The following NBAS variants were observed in gnomAD, a reference collection of about 807,000 sequenced individuals.
NBAS encodes the protein NBAS subunit of NRZ tethering complex, also known as NAG/BC035112 fusion.
Under a neutral mutation model 302.5 loss-of-function variants are expected in NBAS, and 219 were observed. The ratio of observed to expected loss-of-function variants is 0.72; its 90% CI spans 0.65 to 0.81. The LOEUF (loss-of-function observed/expected upper bound fraction) is 0.81, where lower values mean the gene tolerates loss of function less well. Among genes scored for constraint, NBAS ranks in the 30% least tolerant of loss-of-function variants. The pLI is 0.00. For synonymous variants in NBAS, 1,118 were observed against 1,021.6 expected (o/e 1.09, Z -1.80); for missense variants, 2,932 against 2,841.6 (o/e 1.03, Z -0.72).
At chr2:15,437,416 G>A (rs746490670) in intron 21 of NBAS, among the ~76,000 whole-genome samples, 66 of 152,168 alleles carry the variant, frequency 4.3e-4, no homozygotes, top group Non-Finnish European at 8.5e-4. Context: ...ACAAGTCTAT[G>A]TGAGCCTTTT....
the NBAS span, among the ~76,000 whole-genome samples, chr2:15,003,691 T>A: frequency 1.3e-5 from 2 of 152,192 alleles, no homozygotes; most frequent in Non-Finnish European, 2.9e-5. Flanking sequence ...AGCCAAGAGA[T>A]CTCTGAGCTC....
intron 9 of NBAS, among the ~76,000 whole-genome samples, chr2:15,532,244 C>T (rs1212116491): frequency 6.6e-6 from 1 of 152,008 alleles, no homozygotes; most frequent in African/African-American, 2.4e-5. Flanking sequence ...AATCCCAGCA[C>T]TTTGGGAGGC....
Position 15,559,062 on chromosome 2 carries a change from CAAAAAAAA to C in NBAS, c.118-436_118-429del, listed in dbSNP as rs70961421. The stretch of plus-strand genomic sequence containing the variant: ...TGGGTGACAGAGTGAGACCCTGCCT[CAAAAAAAA>C]AAAAAAAAAAAAAAAAAGTAGACAC... On this transcript the variant is annotated intron_variant, in intron 1 of 51. Coordinates refer to ENST00000281513, the MANE Select transcript of NBAS (RefSeq NM_015909.4). Among the ~76,000 whole-genome samples, 4 of 50,416 alleles carry C rather than the reference CAAAAAAAA, an allele frequency of 7.9e-5. 1 individual carries two copies. The highest frequency in any genetic ancestry group is 1.1e-4 in the Non-Finnish European group (3 of 28,330). The allele number at this position is 50,416 out of a possible 152,430, so 33.1% of individuals were successfully genotyped here. A position where few individuals can be genotyped will look rare whatever the true frequency, so the allele number is the denominator to read the frequency against.
At chr2:15,153,266 A>G in the NBAS span, among the ~76,000 whole-genome samples, 22 of 152,382 alleles carry the variant, frequency 1.4e-4, no homozygotes, top group South Asian at 1.4e-3. Flanking sequence ...GAAATGCGCC[A>G]TAGGCAGATA....
intron 25 of NBAS, among the ~76,000 whole-genome samples, chr2:15,411,466 T>C (rs886512023): frequency 2.0e-5 from 3 of 152,160 alleles, no homozygotes; most frequent in South Asian, 2.1e-4. Context: ...TCTAAATATT[T>C]TAGTGGTAAG....
At chr2:15,494,432 T>C (rs1680989380) in intron 11 of NBAS, among the ~76,000 whole-genome samples, 1 of 152,238 alleles carries the variant, frequency 6.6e-6, no homozygotes, top group South Asian at 2.1e-4. Flanking sequence ...AACTCAACTT[T>C]CTAAATATAG....
chr2:15,158,587 A>T, the NBAS span, among the ~76,000 whole-genome samples: 1 of 152,210 alleles, frequency 6.6e-6, no homozygotes, highest in Non-Finnish European at 1.5e-5. Flanking sequence ...GCGAAGCCCC[A>T]GATACCCAAC....
At chr2:15,104,677 A>T in the NBAS span, among the ~76,000 whole-genome samples, 4 of 152,152 alleles carry the variant, frequency 2.6e-5, no homozygotes, top group Non-Finnish European at 5.9e-5. Context: ...ACAGTGTAAA[A>T]GTGTTCCTGT....
At chr2:15,369,389 T>C (rs1011967229) in intron 31 of NBAS, among the ~76,000 whole-genome samples, 9 of 152,194 alleles carry the variant, frequency 5.9e-5, no homozygotes, top group African/African-American at 2.2e-4. Context: ...AACACTCAAG[T>C]TTGATTATTT....
At chr2:14,921,643 TAA>T in the NBAS span, among the ~76,000 whole-genome samples, 2 of 152,176 alleles carry the variant, frequency 1.3e-5, no homozygotes, top group African/African-American at 4.8e-5. Context: ...AGTTCAGAGT[TAA>T]GAGTCAGGAA....
intron 21 of NBAS, among the ~76,000 whole-genome samples, chr2:15,437,546 T>C (rs116347925): frequency 7.9e-5 from 12 of 152,296 alleles, no homozygotes; most frequent in African/African-American, 2.9e-4. Flanking sequence ...TTCGACAGAA[T>C]GTGACTAGGA....
At chr2:15,167,370 T>TGGGA (rs1664078685) in intron 51 of NBAS, 47 bp from the exon 52 acceptor site, 1 of 1,607,678 alleles carries the variant, frequency 6.2e-7, no homozygotes, top group Non-Finnish European at 8.5e-7. Context: ...TTTGCTTTGT[T>TGGGA]CGCCTCCCCC....
chr2:15,073,482 A>T, the NBAS span, among the ~76,000 whole-genome samples: 3 of 139,798 alleles, frequency 2.1e-5, no homozygotes, highest in Non-Finnish European at 4.5e-5. Flanking sequence ...TTCTCAAAAA[A>T]AAAAAAAAAT....
chr2:15,197,379 C>G (rs1665671806), intron 48 of NBAS, among the ~76,000 whole-genome samples: 1 of 152,212 alleles, frequency 6.6e-6, no homozygotes, highest in Non-Finnish European at 1.5e-5. Context: ...TGCAAACAGT[C>G]TAGCCTAGGT....
chr2:15,160,508 A>G, the NBAS span, among the ~76,000 whole-genome samples: 1 of 149,936 alleles, frequency 6.7e-6, no homozygotes. Flanking sequence ...TGCACCAGGA[A>G]CAAGCTGCTT....
At position 15,311,652 on chromosome 2, in the gene NBAS, CCT is replaced by C. The variant is rs543844312; in HGVS notation, c.4583-2407_4583-2406del. ...TAGTCACACTTGATGAGCTGACAAACCTCTGTTATCTTATTTCCTGTGGCTTA... is the reference window on the plus strand; with the variant it reads ...TAGTCACACTTGATGAGCTGACAAACCTGTTATCTTATTTCCTGTGGCTTA... On this transcript the variant is annotated intron_variant, in intron 38 of 51. Coordinates refer to ENST00000281513, the MANE Select transcript of NBAS (RefSeq NM_015909.4). Among the ~76,000 whole-genome samples, 10 of 152,280 alleles carry C rather than the reference CCT, an allele frequency of 6.6e-5. No homozygotes were observed. The East Asian group carries it at 1.9e-3, about 29-fold the overall frequency.
At chr2:14,888,146 T>A in the NBAS span, among the ~76,000 whole-genome samples, 2 of 152,164 alleles carry the variant, frequency 1.3e-5, no homozygotes, top group African/African-American at 2.4e-5. Flanking sequence ...TTATTTATTT[T>A]TTGAAACGGA....
chr2:15,229,781 TA>T (rs548444923), intron 47 of NBAS, among the ~76,000 whole-genome samples: 199 of 117,080 alleles, frequency 1.7e-3, no homozygotes, highest in Admixed American at 1.4e-3. Flanking sequence ...AAACTCCACG[TA>T]AAAAAAAAAA....
the NBAS span, among the ~76,000 whole-genome samples, chr2:15,159,763 T>C: frequency 2.6e-5 from 4 of 151,304 alleles, no homozygotes; most frequent in Non-Finnish European, 4.4e-5. Flanking sequence ...GCAAATTTTA[T>C]GTTATGCATT....
Sources: allele counts gnomAD v4.1 joint callset (sites outside exome capture counted in the v4.1 genomes callset), GRCh38; gene constraint gnomAD v4.1.1; transcripts MANE v1.5; gene names NCBI Gene and HGNC (gene_info 2026-07-23, HGNC 2026-07-21).